POLR3B: variants seen among roughly 807,000 people sequenced by gnomAD.
POLR3B encodes the protein DNA-directed RNA polymerase III subunit RPC2.
POLR3B carries 96 observed loss-of-function variants against 147.4 expected under a neutral mutation model. The observed-to-expected ratio is 0.65, with a 90% confidence interval of 0.55 to 0.77. The LOEUF (loss-of-function observed/expected upper bound fraction) is 0.77, where lower values mean the gene tolerates loss of function less well. Among genes scored for constraint, POLR3B ranks in the 30% least tolerant of loss-of-function variants. The pLI, the probability that POLR3B is intolerant of heterozygous loss-of-function variation, is 0.00. For synonymous variants in POLR3B, 461 were observed against 485.9 expected, an observed-to-expected ratio of 0.95 and a Z score of 0.67; for missense variants, 1,036 against 1,413.5, an observed-to-expected ratio of 0.73 and a Z score of 4.28.
intron 25 of POLR3B, among the ~76,000 whole-genome samples, chr12:106,497,409 T>A (rs2038511823): frequency 6.6e-6 from 1 of 152,044 alleles, no homozygotes; most frequent in Non-Finnish European, 1.5e-5. Context: ...AGGCCAAAGC[T>A]GGTGGATCGC....
rs7959086 is a variant in POLR3B at position 106,500,556 on chromosome 12, G to A, written c.2985-767G>A. Among the ~76,000 whole-genome samples the A allele has an allele frequency of 5.2e-3, 799 of 152,352 alleles. 8 individuals are homozygous for A. The highest frequency in any genetic ancestry group is 0.019 in the African/African-American group (770 of 41,590). On this transcript the variant is annotated intron_variant, in intron 25 of 27. Transcript: ENST00000228347. Reference sequence around the variant, plus strand: ...CAAAGGGTCAGGTTGAGACAGGGCCGGAGTGACGATGCCAGGTGGGAGGAG... The same window carrying A: ...CAAAGGGTCAGGTTGAGACAGGGCCAGAGTGACGATGCCAGGTGGGAGGAG...
chr12:106,457,806 A>G (rs1365173667), intron 21 of POLR3B, among the ~76,000 whole-genome samples: 1 of 152,252 alleles, frequency 6.6e-6, no homozygotes, highest in Non-Finnish European at 1.5e-5. Flanking sequence ...ATAGGTAACT[A>G]TGAGGCCATT....
intron 9 of POLR3B, 28 bp from the exon 10 acceptor site, chr12:106,393,003 C>T (rs1371551987): frequency 6.2e-7 from 1 of 1,613,894 alleles, no homozygotes; most frequent in East Asian, 2.2e-5. Flanking sequence ...AAAGCCAACA[C>T]TCTTTCTATC....
chr12:106,485,868 G>A (rs985435171), intron 23 of POLR3B, among the ~76,000 whole-genome samples: 6 of 152,166 alleles, frequency 3.9e-5, no homozygotes, highest in African/African-American at 1.4e-4. Context: ...GGAATCATTT[G>A]CATGCTGTTT....
At chr12:106,376,176 G>A (rs2036676215) in intron 6 of POLR3B, among the ~76,000 whole-genome samples, 183 bp from the exon 7 acceptor site, 1 of 152,190 alleles carries the variant, frequency 6.6e-6, no homozygotes, top group Admixed American at 6.5e-5. Flanking sequence ...TAGACGAGCA[G>A]CGTGCCTGAG....
At chr12:106,429,589 C>T (rs751484624) in intron 13 of POLR3B, among the ~76,000 whole-genome samples, 2 of 151,826 alleles carry the variant, frequency 1.3e-5, no homozygotes, top group Non-Finnish European at 2.9e-5. Flanking sequence ...TAAAATAATA[C>T]AACATATTTA....
intron 16 of POLR3B, 96 bp downstream of exon 16, chr12:106,433,968 C>T: frequency 1.0e-6 from 1 of 985,292 alleles, no homozygotes. Context: ...ACTGTTTTAA[C>T]CTCTTTCATT....
intron 19 of POLR3B, among the ~76,000 whole-genome samples, chr12:106,454,208 A>G (rs1593049966): frequency 6.6e-6 from 1 of 152,372 alleles, no homozygotes; most frequent in African/African-American, 2.4e-5. Context: ...TTGTGAAATT[A>G]ACCAGTGGAA....
At chr12:106,465,668 T>C (rs1403472900) in intron 23 of POLR3B, among the ~76,000 whole-genome samples, 1 of 152,200 alleles carries the variant, frequency 6.6e-6, no homozygotes, top group Non-Finnish European at 1.5e-5. Flanking sequence ...TGTGTCCAAG[T>C]GTTCTCATTG....
intron 22 of POLR3B, among the ~76,000 whole-genome samples, chr12:106,460,240 A>T (rs1272471159): frequency 2.0e-5 from 3 of 152,212 alleles, no homozygotes; most frequent in African/African-American, 7.2e-5. Flanking sequence ...CACACAAAAA[A>T]AGTGCAATAA....
At chr12:106,498,192 A>G (rs7978568) in intron 25 of POLR3B, among the ~76,000 whole-genome samples, 2,523 of 152,268 alleles carry the variant, frequency 0.017, 73 homozygotes, top group African/African-American at 0.058. Flanking sequence ...GCATTCGAAG[A>G]GTGTTTAAGG....
chr12:106,374,709 G>A (rs2036654735), intron 6 of POLR3B, among the ~76,000 whole-genome samples: 1 of 151,970 alleles, frequency 6.6e-6, no homozygotes, highest in Non-Finnish European at 1.5e-5. Flanking sequence ...GTAGAGATGG[G>A]GTTTCACCAC....
intron 12 of POLR3B, among the ~76,000 whole-genome samples, chr12:106,426,783 A>T (rs2037443022): frequency 1.3e-5 from 2 of 149,174 alleles, no homozygotes; most frequent in African/African-American, 5.0e-5. Context: ...TTTACCAATG[A>T]TACAGGAAAC....
chr12:106,438,840 C>CTT (rs34399991), intron 18 of POLR3B, among the ~76,000 whole-genome samples: 1 of 152,036 alleles, frequency 6.6e-6, no homozygotes, highest in Non-Finnish European at 1.5e-5. Flanking sequence ...TTCAAAAACT[C>CTT]TAAGTTTATG....
chr12:106,468,912 A>C (rs1015570705), intron 23 of POLR3B, among the ~76,000 whole-genome samples: 2 of 152,180 alleles, frequency 1.3e-5, no homozygotes, highest in East Asian at 1.9e-4. Flanking sequence ...AAAAATGTAT[A>C]TTCTGTTGAT....
At chr12:106,506,376 T>C (rs12320678) in intron 27 of POLR3B, among the ~76,000 whole-genome samples, 64 of 152,148 alleles carry the variant, frequency 4.2e-4, no homozygotes, top group African/African-American at 1.5e-3. Context: ...TCCTTTTCTC[T>C]TCCTCCCCCT....
intron 18 of POLR3B, among the ~76,000 whole-genome samples, chr12:106,442,487 G>A (rs576968696): frequency 6.6e-6 from 1 of 152,202 alleles, no homozygotes; most frequent in South Asian, 2.1e-4. Context: ...CTTAACAAAG[G>A]AAGTCTTTTC....
At chr12:106,496,373 G>C (rs2288269) in intron 24 of POLR3B, 4 of 650,344 alleles carry the variant, frequency 6.2e-6, no homozygotes, top group Non-Finnish European at 1.1e-5. Flanking sequence ...ACCTCCCTTT[G>C]AGAGTGGAGT....
At position 106,496,146 on chromosome 12, in the gene POLR3B, A is replaced by T; in HGVS notation, c.2805A>T (p.Pro935=). Residue 935 remains proline, a synonymous_variant, in exon 24 of 28, where the codon CCA becomes CCT. Coordinates refer to ENST00000228347, the MANE Select transcript of POLR3B (RefSeq NM_018082.6). ...PDIIMNPHGF[P]SRMTVGKLIE... ...TCATCATGAACCCACACGGCTTCCCATCACGAATGACGGTCAGTGACCTGT... is the reference window on the plus strand; with the variant it reads ...TCATCATGAACCCACACGGCTTCCCTTCACGAATGACGGTCAGTGACCTGT... The T allele has an allele frequency of 3.1e-6, 5 of 1,597,232 alleles. No individual in the cohort carries two copies. Among genetic ancestry groups the T allele is most frequent in the Non-Finnish European group, 4.3e-6 (5 of 1,164,646 alleles).
Sources: gnomAD v4.1 joint callset for allele counts (sites outside exome capture counted in the v4.1 genomes callset) on GRCh38, gnomAD v4.1.1 for gene constraint, MANE v1.5 for transcripts, NCBI Gene and HGNC (gene_info 2026-07-23, HGNC 2026-07-21) for gene names.